The following ARHGEF4 variants were observed in gnomAD, a reference collection of about 807,000 sequenced individuals.
ARHGEF4 encodes the protein Rho guanine nucleotide exchange factor 4, also known as APC-stimulated guanine nucleotide exchange factor 1.
Under a neutral mutation model 162.0 loss-of-function variants are expected in ARHGEF4, and 119 were observed. That is an observed-to-expected ratio of 0.73 (90% CI 0.63 to 0.86). The LOEUF (loss-of-function observed/expected upper bound fraction) is 0.86, where lower values mean the gene tolerates loss of function less well. ARHGEF4 is among the 40% of genes least tolerant of loss of function. The pLI, the probability that ARHGEF4 is intolerant of heterozygous loss-of-function variation, is 0.00. For synonymous variants in ARHGEF4, 1,014 were observed against 979.9 expected (o/e 1.03, Z -0.65); for missense variants, 2,488 against 2,456.0 (o/e 1.01, Z -0.28).
chr2:130,893,543 C>T (rs368208905), intron 1 of ARHGEF4, among the ~76,000 whole-genome samples: 11 of 152,150 alleles, frequency 7.2e-5, no homozygotes, highest in African/African-American at 1.2e-4. Flanking sequence ...TGTTGGGGCA[C>T]GGTGCTGGGA....
At chr2:130,864,019 C>T (rs1474495234) in intron 1 of ARHGEF4, among the ~76,000 whole-genome samples, 1 of 143,898 alleles carries the variant, frequency 6.9e-6, no homozygotes. Flanking sequence ...CCCGTCTCTA[C>T]TAAAAATACA....
chr2:130,838,894 C>T (rs1680405392), intron 1 of ARHGEF4, among the ~76,000 whole-genome samples: 1 of 152,228 alleles, frequency 6.6e-6, no homozygotes, highest in South Asian at 2.1e-4. Context: ...GGGCAGCCAC[C>T]TTGCCTGCTG....
At chr2:131,045,839 C>T in intron 13 of ARHGEF4, 199 bp from the exon 14 acceptor site, 1 of 1,450,168 alleles carries the variant, frequency 6.9e-7, no homozygotes, top group Non-Finnish European at 9.0e-7. Context: ...CTGCAGGAGG[C>T]CAGGCCCAGG....
intron 4 of ARHGEF4, among the ~76,000 whole-genome samples, chr2:130,955,480 T>C (rs1684209569): frequency 6.6e-6 from 1 of 152,200 alleles, no homozygotes; most frequent in African/African-American, 2.4e-5. Flanking sequence ...TAGTGAAGTC[T>C]ATTTCCCTTC....
At chr2:130,931,300 T>A (rs765248379) in intron 3 of ARHGEF4, 43 bp downstream of exon 3, 1 of 1,520,298 alleles carries the variant, frequency 6.6e-7, no homozygotes, top group Non-Finnish European at 8.8e-7. Flanking sequence ...TGGTCTGGTA[T>A]CCCCTTCTCT....
chr2:131,042,158 T>A (rs1014072126), intron 10 of ARHGEF4, among the ~76,000 whole-genome samples: 1 of 152,216 alleles, frequency 6.6e-6, no homozygotes, highest in African/African-American at 2.4e-5. Context: ...TGGTGGCCTC[T>A]TTTCTATGTG....
chr2:131,010,934 A>G (rs1688409051), intron 4 of ARHGEF4, among the ~76,000 whole-genome samples: 1 of 152,234 alleles, frequency 6.6e-6, no homozygotes, highest in Non-Finnish European at 1.5e-5. Context: ...TCCAGAATGG[A>G]TGGTATTTTC....
At chr2:131,035,282 C>A in intron 5 of ARHGEF4, 6 of 1,213,180 alleles carry the variant, frequency 4.9e-6, no homozygotes, top group Non-Finnish European at 6.1e-6. Flanking sequence ...CAGGGCGCCG[C>A]GCCGGGGTGA....
intron 11 of ARHGEF4, 110 bp downstream of exon 11, chr2:131,043,693 G>T: frequency 6.6e-7 from 1 of 1,523,556 alleles, no homozygotes; most frequent in Non-Finnish European, 8.9e-7. Context: ...CCATACCCGG[G>T]GAGCCTGGCC....
At chr2:130,969,169 A>C (rs1465382026) in intron 4 of ARHGEF4, among the ~76,000 whole-genome samples, 1 of 152,174 alleles carries the variant, frequency 6.6e-6, no homozygotes, top group Admixed American at 6.5e-5. Flanking sequence ...ATCTGACATA[A>C]AGCTGATTTT....
At position 131,018,954 on chromosome 2, in the gene ARHGEF4, C is replaced by T. The variant is rs574343254; in HGVS notation, c.3986-8991C>T. ...AGTTCTATTGGTCTATATATCTATC[C>T]TTATGCCATTTCCACATTATTTGAT... On this transcript the variant is annotated intron_variant, in intron 4 of 13. Transcript: ENST00000409359. Among the ~76,000 whole-genome samples, 4 of 152,270 alleles carry T rather than the reference C, an allele frequency of 2.6e-5. No homozygotes were observed. In the East Asian group the frequency reaches 7.7e-4, roughly 29 times the overall value.
At chr2:130,940,499 G>T (rs924116290) in intron 3 of ARHGEF4, among the ~76,000 whole-genome samples, 8 of 151,636 alleles carry the variant, frequency 5.3e-5, no homozygotes, top group Admixed American at 3.3e-4. Flanking sequence ...ATTTCACCAT[G>T]TTAGCCAGGA....
chr2:131,009,926 C>A (rs149539495), intron 4 of ARHGEF4, among the ~76,000 whole-genome samples: 27 of 152,278 alleles, frequency 1.8e-4, no homozygotes, highest in African/African-American at 6.3e-4. Flanking sequence ...AGTTTACAGT[C>A]TTTGGATTCT....
In ARHGEF4 at chr2:130,922,861, T is replaced by C. The variant is rs76720236; in HGVS notation, c.3552+5363T>C. Among the ~76,000 whole-genome samples the C allele has an allele frequency of 2.0e-3, 311 of 151,868 alleles. 4 individuals carry two copies. Among genetic ancestry groups the C allele is most frequent in the African/African-American group, 7.3e-3 (302 of 41,522 alleles). On this transcript the variant is annotated intron_variant, in intron 2 of 13. Coordinates refer to ENST00000409359, the MANE Select transcript of ARHGEF4 (RefSeq NM_001367493.1). ...CTTACTGATTCTTGATAGAATTGCA[T>C]TGTGGGTAAATGTGCCACAGATATT...
At chr2:130,907,032 C>A (rs1203004227) in intron 1 of ARHGEF4, among the ~76,000 whole-genome samples, 1 of 152,098 alleles carries the variant, frequency 6.6e-6, no homozygotes, top group Non-Finnish European at 1.5e-5. Context: ...ATTCTCTAGT[C>A]CCCAGTCCCC....
At chr2:131,039,992 T>C in intron 6 of ARHGEF4, 24 bp from the exon 7 acceptor site, 1 of 1,548,570 alleles carries the variant, frequency 6.5e-7, no homozygotes, top group Non-Finnish European at 8.7e-7. Flanking sequence ...TGCGGGGCAC[T>C]GACCGGCCAC....
At chr2:131,042,818 G>A (rs1690919476) in intron 10 of ARHGEF4, among the ~76,000 whole-genome samples, 1 of 152,222 alleles carries the variant, frequency 6.6e-6, no homozygotes, top group South Asian at 2.1e-4. Flanking sequence ...AATGAGACCA[G>A]GGCAGGGCTT....
intron 4 of ARHGEF4, among the ~76,000 whole-genome samples, chr2:131,025,253 C>T (rs1032024352): frequency 2.0e-4 from 31 of 152,254 alleles, no homozygotes; most frequent in Admixed American, 3.3e-4. Flanking sequence ...GGGGGAAGTG[C>T]TGCATACTTT....
intron 5 of ARHGEF4, among the ~76,000 whole-genome samples, chr2:131,031,603 G>A (rs1310233559): frequency 6.6e-6 from 1 of 152,236 alleles, no homozygotes; most frequent in Non-Finnish European, 1.5e-5. Context: ...ACAATGTCTC[G>A]TTCCTTCTGC....
Sources: gnomAD v4.1 joint callset for allele counts (sites outside exome capture counted in the v4.1 genomes callset) on GRCh38, gnomAD v4.1.1 for gene constraint, MANE v1.5 for transcripts, NCBI Gene and HGNC (gene_info 2026-07-23, HGNC 2026-07-21) for gene names.